Variants in DZIP3 observed in about 807,000 individuals in gnomAD.
DZIP3 encodes DAZ interacting zinc finger protein 3, also known as E3 ubiquitin-protein ligase DZIP3.
In DZIP3, 118 loss-of-function variants were observed where a neutral mutation model predicts 162.0. That is an observed-to-expected ratio of 0.73 (90% CI 0.63 to 0.85). The LOEUF (loss-of-function observed/expected upper bound fraction) is 0.85. Ranked by LOEUF, DZIP3 falls within the 40% of genes least tolerant of loss-of-function variation. DZIP3 has a pLI of 0.00. For synonymous variants in DZIP3, 438 were observed against 458.6 expected, an observed-to-expected ratio of 0.96 and a Z score of 0.57; for missense variants, 1,331 against 1,407.0, an observed-to-expected ratio of 0.95 and a Z score of 0.86.
At chr3:108,591,628 A>G (rs1259210218) in intron 1 of DZIP3, among the ~76,000 whole-genome samples, 1 of 152,244 alleles carries the variant, frequency 6.6e-6, no homozygotes, top group African/African-American at 2.4e-5. Context: ...AAGTCTTGAC[A>G]TTTTTAATCA....
intron 1 of DZIP3, among the ~76,000 whole-genome samples, chr3:108,591,228 T>C (rs997507673): frequency 1.3e-5 from 2 of 152,178 alleles, no homozygotes; most frequent in Admixed American, 6.5e-5. Flanking sequence ...GTGGCTAGTG[T>C]AGAAAGAACG....
chr3:108,663,895 A>T (rs1329507530), intron 21 of DZIP3, among the ~76,000 whole-genome samples: 1 of 152,240 alleles, frequency 6.6e-6, no homozygotes, highest in Non-Finnish European at 1.5e-5. Context: ...AGATACCAAG[A>T]TGTGTGAGAC....
rs774126507 is a variant in DZIP3 at position 108,637,478 on chromosome 3, T to C, written c.1012-18T>C. 3.1e-6 allele frequency: 5 copies of C among 1,608,718 alleles called. No individual in the cohort carries two copies. In the Admixed American group the frequency reaches 8.5e-5, roughly 27 times the overall value. On this transcript the variant is annotated intron_variant, in intron 11 of 32. Coordinates refer to ENST00000361582, the MANE Select transcript of DZIP3 (RefSeq NM_014648.4). ...ATTGAACTACTTTAGGGCTATTTTT[T>C]TTCCCCATTACTTGCAGTTTGAAGT...
chr3:108,617,994 C>A (rs1454195), intron 5 of DZIP3, among the ~76,000 whole-genome samples: 23,066 of 152,188 alleles, frequency 0.15, 2,170 homozygotes, highest in Non-Finnish European at 0.22. Context: ...ATGATCAAAG[C>A]AGTCTATTGC....
intron 3 of DZIP3, among the ~76,000 whole-genome samples, chr3:108,608,488 C>T (rs1940509783): frequency 6.6e-6 from 1 of 152,010 alleles, no homozygotes; most frequent in South Asian, 2.1e-4. Flanking sequence ...AAAACAAAAC[C>T]TATATACATA....
At chr3:108,606,861 GT>G (rs1239714365) in intron 2 of DZIP3, among the ~76,000 whole-genome samples, 1 of 152,100 alleles carries the variant, frequency 6.6e-6, no homozygotes, top group Admixed American at 6.6e-5. Context: ...GCATCTGGAT[GT>G]TTCAAAAGCT....
chr3:108,613,531 TACTA>T (rs2107518258), intron 4 of DZIP3, among the ~76,000 whole-genome samples: 1 of 152,100 alleles, frequency 6.6e-6, no homozygotes, highest in Non-Finnish European at 1.5e-5. Flanking sequence ...AAATAGATAA[TACTA>T]AAGGAAAAAG....
chr3:108,670,213 CAG>C (rs1395610170), intron 22 of DZIP3, among the ~76,000 whole-genome samples: 1 of 151,868 alleles, frequency 6.6e-6, no homozygotes. Flanking sequence ...AGAATATTCA[CAG>C]AGGTTTACAG....
Position 108,669,750 on chromosome 3 carries a change from G to C in DZIP3, c.2492+1G>C, listed in dbSNP as rs201427191. On this transcript the variant is annotated splice_donor_variant, in intron 22 of 32. Transcript: ENST00000361582. LOFTEE classifies it high-confidence loss of function. The stretch of plus-strand genomic sequence containing the variant: ...TTAAAGAGCAACTTTCTATGAAAAG[G>C]TACAAACTTAGCTTTTTCTTTGGGT... 1.2e-6 allele frequency: 2 copies of C among 1,608,108 alleles called. No individual in the cohort carries two copies. Among genetic ancestry groups the C allele is most frequent in the South Asian group, 2.2e-5 (2 of 90,750 alleles).
Position 108,693,627 on chromosome 3 carries a change from C to G in DZIP3, c.*274C>G, listed in dbSNP as rs1008202218. On this transcript the variant is annotated 3_prime_UTR_variant, in exon 33 of 33. Coordinates refer to ENST00000361582, the MANE Select transcript of DZIP3 (RefSeq NM_014648.4). ...ACCTTGTCTAAAATTTCTTTGTGTT[C>G]CCAGTGTCTTGCCCAGTAGATACAA... 1.4e-4 allele frequency: 21 copies of G among 152,056 alleles called. No homozygotes were observed. The highest frequency in any genetic ancestry group is 4.3e-4 in the African/African-American group (18 of 41,414). The allele number at this position is 152,056 out of a possible 1,614,324, so 9.4% of individuals were successfully genotyped here. A position where few individuals can be genotyped will look rare whatever the true frequency, so the allele number is the denominator to read the frequency against.
rs765032663 is a variant in DZIP3 at position 108,634,944 on chromosome 3, A to G, written c.890A>G (p.Asn297Ser). 9 of 1,608,204 alleles carry G rather than the reference A, an allele frequency of 5.6e-6. No homozygotes were observed. In the Admixed American group the frequency reaches 1.3e-4, roughly 24 times the overall value. Residue 297 changes from asparagine to serine, a missense_variant, in exon 10 of 33, where the codon AAT (asparagine) becomes AGT (serine). Physicochemically the swap from Asn to Ser is conservative, Grantham distance 46 (BLOSUM62 1). Coordinates refer to ENST00000361582, the MANE Select transcript of DZIP3 (RefSeq NM_014648.4). ...AAAATTTGCTGGAAAAAGTTCAAGA[A>G]TTTAAAGTATCCAGGTGAAAATGAT... Reference protein sequence around the residue: ...FHKICWKKFKNLKYPGENDQS... With the variant: ...FHKICWKKFKSLKYPGENDQS...
chr3:108,615,939 C>T (rs747103596), intron 4 of DZIP3, among the ~76,000 whole-genome samples: 14 of 152,192 alleles, frequency 9.2e-5, no homozygotes, highest in Admixed American at 5.9e-4. Flanking sequence ...GTTGCCAACC[C>T]TTTGGCAGGT....
intron 1 of DZIP3, among the ~76,000 whole-genome samples, chr3:108,601,802 T>C (rs979482373): frequency 6.6e-6 from 1 of 152,166 alleles, no homozygotes; most frequent in Non-Finnish European, 1.5e-5. Context: ...GGAAACGACC[T>C]TTAGGCCTCT....
At chr3:108,666,130 C>T (rs1345166215) in intron 21 of DZIP3, among the ~76,000 whole-genome samples, 4 of 151,454 alleles carry the variant, frequency 2.6e-5, no homozygotes, top group Admixed American at 1.3e-4. Context: ...AACACTATCT[C>T]GTGGAATTCA....
At chr3:108,625,504 C>T (rs891143298) in intron 6 of DZIP3, among the ~76,000 whole-genome samples, 3 of 152,188 alleles carry the variant, frequency 2.0e-5, no homozygotes, top group Non-Finnish European at 2.9e-5. Context: ...AAGCAATCCT[C>T]CTGCTTCAGC....
chr3:108,648,839 T>G, intron 16 of DZIP3, 79 bp from the exon 17 acceptor site: 1 of 697,000 alleles, frequency 1.4e-6, no homozygotes. Flanking sequence ...ATCTCAGTGG[T>G]GAGAGGAAAT....
At chr3:108,676,249 G>T (rs1161600573) in intron 25 of DZIP3, among the ~76,000 whole-genome samples, 2 of 152,044 alleles carry the variant, frequency 1.3e-5, no homozygotes, top group Non-Finnish European at 2.9e-5. Flanking sequence ...GGTGCTCACG[G>T]TTATGGTGAG....
intron 32 of DZIP3, among the ~76,000 whole-genome samples, chr3:108,691,802 A>G (rs559376747): frequency 1.3e-5 from 2 of 152,238 alleles, no homozygotes; most frequent in African/African-American, 2.4e-5. Flanking sequence ...AGACAGAAAG[A>G]CCACTCATAC....
intron 4 of DZIP3, among the ~76,000 whole-genome samples, chr3:108,616,205 A>G (rs1940996795): frequency 1.3e-5 from 2 of 152,084 alleles, no homozygotes; most frequent in African/African-American, 4.8e-5. Context: ...CGGAGCTTGC[A>G]GTGAGCTGAG....
Sources: gnomAD v4.1 joint callset for allele counts (sites outside exome capture counted in the v4.1 genomes callset) on GRCh38, gnomAD v4.1.1 for gene constraint, MANE v1.5 for transcripts, NCBI Gene and HGNC (gene_info 2026-07-23, HGNC 2026-07-21) for gene names.